SAMD12: variants seen among roughly 807,000 people sequenced by gnomAD.
The protein encoded by SAMD12 is sterile alpha motif domain-containing protein 12.
A neutral mutation model predicts 15.0 loss-of-function variants in SAMD12; 9 were observed. The ratio of observed to expected loss-of-function variants is 0.60; its 90% CI spans 0.36 to 1.05. SAMD12 has a LOEUF of 1.05. Among genes scored for constraint, SAMD12 ranks in the 50% least tolerant of loss-of-function variants. SAMD12 has a pLI of 0.01. For synonymous variants in SAMD12, 86 were observed against 90.1 expected, an observed-to-expected ratio of 0.96 and a Z score of 0.25; for missense variants, 230 against 234.2, an observed-to-expected ratio of 0.98 and a Z score of 0.12.
chr8:118,236,350 A>G (rs931158476), intron 4 of SAMD12, among the ~76,000 whole-genome samples: 4 of 152,190 alleles, frequency 2.6e-5, no homozygotes, highest in African/African-American at 9.7e-5. Context: ...TCAACTTGCT[A>G]AATAATAAGA....
chr8:118,425,878 G>A (rs931214282), intron 3 of SAMD12, among the ~76,000 whole-genome samples: 13 of 152,164 alleles, frequency 8.5e-5, no homozygotes, highest in African/African-American at 2.9e-4. Context: ...ATTTCTAAAT[G>A]AGGTAACCTA....
At chr8:118,534,176 G>C (rs1212528415) in intron 2 of SAMD12, among the ~76,000 whole-genome samples, 2 of 151,950 alleles carry the variant, frequency 1.3e-5, no homozygotes, top group Admixed American at 6.6e-5. Flanking sequence ...TGTCTGTAAA[G>C]TATTTTATTT....
chr8:118,561,473 G>T (rs1483399415), intron 2 of SAMD12, among the ~76,000 whole-genome samples: 1 of 152,152 alleles, frequency 6.6e-6, no homozygotes, highest in East Asian at 1.9e-4. Context: ...AAGGAAAGAG[G>T]TTTAATTGAC....
At chr8:118,380,711 G>A (rs1426891258) in intron 3 of SAMD12, among the ~76,000 whole-genome samples, 2 of 152,174 alleles carry the variant, frequency 1.3e-5, no homozygotes, top group African/African-American at 4.8e-5. Flanking sequence ...TACATGTGAC[G>A]AATGATGTCT....
intron 2 of SAMD12, among the ~76,000 whole-genome samples, chr8:118,475,859 A>G (rs1322228821): frequency 6.6e-6 from 1 of 152,200 alleles, no homozygotes; most frequent in African/African-American, 2.4e-5. Context: ...TCAACAGATT[A>G]ACAAATTATT....
chr8:118,440,657 AACACACACACACAC>A (rs34419362), intron 2 of SAMD12, among the ~76,000 whole-genome samples: 147 of 142,208 alleles, frequency 1.0e-3, no homozygotes, highest in African/African-American at 1.9e-3. Context: ...TTATGAGGAA[AACACACACACACAC>A]ACACACACAC....
chr8:118,367,163 G>A (rs1818845690), intron 4 of SAMD12, among the ~76,000 whole-genome samples: 1 of 151,886 alleles, frequency 6.6e-6, no homozygotes, highest in African/African-American at 2.4e-5. Context: ...GAGAATTGGT[G>A]GTCCCCCCAA....
At chr8:118,203,599 T>C (rs1819774415) in intron 4 of SAMD12, among the ~76,000 whole-genome samples, 1 of 152,172 alleles carries the variant, frequency 6.6e-6, no homozygotes, top group Non-Finnish European at 1.5e-5. Context: ...TATTTTTTTA[T>C]TATTATTATA....
chr8:118,523,924 T>C (rs1483062174), intron 2 of SAMD12, among the ~76,000 whole-genome samples: 3 of 152,160 alleles, frequency 2.0e-5, no homozygotes, highest in Non-Finnish European at 4.4e-5. Context: ...CTCTTGTCAC[T>C]GTGGATGCTC....
the SAMD12 span, among the ~76,000 whole-genome samples, chr8:118,161,162 A>G: frequency 6.6e-6 from 1 of 152,158 alleles, no homozygotes; most frequent in African/African-American, 2.4e-5. Context: ...CATGGTGTAT[A>G]TGTGCCACAT....
chr8:118,505,959 C>T (rs1178998881), intron 2 of SAMD12, among the ~76,000 whole-genome samples: 1 of 152,076 alleles, frequency 6.6e-6, no homozygotes, highest in Non-Finnish European at 1.5e-5. Flanking sequence ...ATAATATCAT[C>T]CATTATCATC....
intron 4 of SAMD12, among the ~76,000 whole-genome samples, chr8:118,304,116 A>G (rs193069779): frequency 6.6e-6 from 1 of 152,260 alleles, no homozygotes; most frequent in East Asian, 1.9e-4. Context: ...TCTTTGGTGA[A>G]GCTACCTATT....
the SAMD12 span, among the ~76,000 whole-genome samples, chr8:118,146,205 G>GGCAGAGAGTGTTCGAGGCAGGGGTAT: frequency 6.6e-6 from 1 of 152,200 alleles, no homozygotes; most frequent in South Asian, 2.1e-4. Context: ...GGCAGGGGTA[G>GGCAGAGAGTGTTCGAGGCAGGGGTAT]GCAGAGAGTG....
intron 2 of SAMD12, among the ~76,000 whole-genome samples, chr8:118,503,255 A>G (rs1824834803): frequency 6.6e-6 from 1 of 152,180 alleles, no homozygotes; most frequent in Non-Finnish European, 1.5e-5. Flanking sequence ...TGTATCATGC[A>G]CTGCAGTTTG....
At chr8:118,461,125 G>C (rs1823408679) in intron 2 of SAMD12, among the ~76,000 whole-genome samples, 3 of 152,072 alleles carry the variant, frequency 2.0e-5, no homozygotes, top group African/African-American at 7.2e-5. Flanking sequence ...CACAGTTCTT[G>C]GTAACATTCT....
At chr8:118,397,404 G>A (rs1385867646) in intron 3 of SAMD12, among the ~76,000 whole-genome samples, 1 of 152,184 alleles carries the variant, frequency 6.6e-6, no homozygotes, top group Non-Finnish European at 1.5e-5. Context: ...GCAACTGGTT[G>A]TCTGTTGAGT....
intron 1 of SAMD12, among the ~76,000 whole-genome samples, chr8:118,611,301 G>T (rs930439619): frequency 6.6e-6 from 1 of 152,032 alleles, no homozygotes; most frequent in Non-Finnish European, 1.5e-5. Context: ...ATGTAAAAAG[G>T]CTTAGAAAGC....
At chr8:118,439,367 C>T (rs942267852) in intron 3 of SAMD12, among the ~76,000 whole-genome samples, 27 of 152,158 alleles carry the variant, frequency 1.8e-4, no homozygotes, top group African/African-American at 6.0e-4. Context: ...ACCGACTTTC[C>T]ACCATGGACT....
rs978181219 is a variant in SAMD12, at chr8:118,621,806, T to C, written c.11A>G (p.Glu4Gly). MAV[E>G]ALHCGLNPRG... ...AAAATGCCCCAAGCGTCCCTTACCT[T>C]CCACAGCCATTCTCTCAGAGCTTCC... Residue 4 changes from glutamate (E) to glycine (G), a missense_variant and splice_region_variant, in exon 1 of 4, where the codon GAA (glutamate) becomes GGA (glycine). Physicochemically the swap from Glu to Gly is moderately conservative, Grantham distance 98 (BLOSUM62 -2). Transcript: ENST00000314727. 2 of 1,614,084 alleles carry C rather than the reference T, an allele frequency of 1.2e-6. No individual in the cohort carries two copies. The highest frequency in any genetic ancestry group is 1.7e-6 in the Non-Finnish European group (2 of 1,179,980).
Sources: gnomAD v4.1 joint callset for allele counts (sites outside exome capture counted in the v4.1 genomes callset) on GRCh38, gnomAD v4.1.1 for gene constraint, MANE v1.5 for transcripts, NCBI Gene and HGNC (gene_info 2026-07-23, HGNC 2026-07-21) for gene names.